The following PPP1R14C variants were observed in gnomAD, a reference collection of about 807,000 sequenced individuals.
PPP1R14C encodes protein phosphatase 1 regulatory subunit 14C.
Under a neutral mutation model 20.4 loss-of-function variants are expected in PPP1R14C, and 16 were observed. The ratio of observed to expected loss-of-function variants is 0.78; its 90% CI spans 0.53 to 1.19. PPP1R14C has a LOEUF of 1.19. Ranked by LOEUF, PPP1R14C falls within the 50% of genes most tolerant of loss-of-function variation. PPP1R14C has a pLI of 0.00. For missense variants in PPP1R14C, 211 were observed against 220.1 expected (o/e 0.96, Z 0.26); for synonymous variants, 91 against 91.0 (o/e 1.00, Z 0.00).
At chr6:150,176,069 C>A (rs1411948020) in intron 1 of PPP1R14C, among the ~76,000 whole-genome samples, 1 of 152,188 alleles carries the variant, frequency 6.6e-6, no homozygotes, top group African/African-American at 2.4e-5. Flanking sequence ...GTTATTTTCC[C>A]TTTCTTGGGG....
At chr6:150,163,206 A>G (rs530176083) in intron 1 of PPP1R14C, among the ~76,000 whole-genome samples, 15 of 152,330 alleles carry the variant, frequency 9.8e-5, no homozygotes, top group Non-Finnish European at 2.1e-4. Context: ...CCTGGCTAAC[A>G]TGGTGAAACC....
rs1356722915 is a variant in PPP1R14C at position 150,210,252 on chromosome 6, G to C, written c.307-4492G>C. 2.6e-5 allele frequency among the ~76,000 whole-genome samples: 4 copies of C among 152,162 alleles called. No individual in the cohort carries two copies. In the East Asian group the frequency reaches 7.7e-4, roughly 29 times the overall value. ...TACACTGTGTGTTGGTTTGTGAGGT[G>C]TCTTCAGAGCCCCGGTGTGCTCCCG... On this transcript the variant is annotated intron_variant, in intron 1 of 3. Transcript: ENST00000361131.
chr6:150,245,508 T>A (rs1778480867), intron 3 of PPP1R14C, among the ~76,000 whole-genome samples: 1 of 152,204 alleles, frequency 6.6e-6, no homozygotes, highest in African/African-American at 2.4e-5. Context: ...CTTCCTTGCT[T>A]ATTTATCTTC....
intron 1 of PPP1R14C, among the ~76,000 whole-genome samples, chr6:150,184,637 C>T (rs1179362185): frequency 6.6e-6 from 1 of 151,878 alleles, no homozygotes; most frequent in Non-Finnish European, 1.5e-5. Flanking sequence ...GGACTTCTCT[C>T]TGCCAAAAAT....
intron 3 of PPP1R14C, among the ~76,000 whole-genome samples, chr6:150,225,242 C>G (rs936374507): frequency 1.3e-4 from 20 of 152,138 alleles, no homozygotes; most frequent in African/African-American, 4.6e-4. Context: ...GCTGGAAGTT[C>G]AGGGGAATTT....
chr6:150,221,617 G>A (rs1778168106), intron 3 of PPP1R14C, among the ~76,000 whole-genome samples: 2 of 152,180 alleles, frequency 1.3e-5, no homozygotes, highest in South Asian at 2.1e-4. Flanking sequence ...GGTGAGTGGT[G>A]GAAAGAATAC....
At chr6:150,150,680 C>T (rs1457271377) in intron 1 of PPP1R14C, among the ~76,000 whole-genome samples, 2 of 152,168 alleles carry the variant, frequency 1.3e-5, no homozygotes, top group African/African-American at 4.8e-5. Flanking sequence ...TTCAAGCCTT[C>T]ACCTGTCTTT....
chr6:150,234,829 A>T (rs2114926921), intron 3 of PPP1R14C, among the ~76,000 whole-genome samples: 1 of 141,748 alleles, frequency 7.1e-6, no homozygotes, highest in African/African-American at 2.7e-5. Context: ...AACCTGGGCG[A>T]CAAAGTGAGA....
intron 1 of PPP1R14C, among the ~76,000 whole-genome samples, chr6:150,187,247 C>CTCTGTGTG (rs1394033275): frequency 1.4e-5 from 2 of 141,496 alleles, no homozygotes; most frequent in African/African-American, 2.7e-5. Context: ...TTCTCTTTCT[C>CTCTGTGTG]TGTGTGTGTG....
chr6:150,177,887 G>A (rs56180656), intron 1 of PPP1R14C, among the ~76,000 whole-genome samples: 1,691 of 152,282 alleles, frequency 0.011, 39 homozygotes, highest in African/African-American at 0.039. Context: ...CCGTCGTCAG[G>A]CAAGAAAGAT....
chr6:150,222,115 G>A (rs1466479750), intron 3 of PPP1R14C, among the ~76,000 whole-genome samples: 1 of 129,550 alleles, frequency 7.7e-6, no homozygotes, highest in African/African-American at 3.7e-5. Context: ...GATAATTTTA[G>A]TGGTGGTAAC....
intron 1 of PPP1R14C, among the ~76,000 whole-genome samples, chr6:150,178,983 C>G (rs902572523): frequency 7.2e-5 from 11 of 152,300 alleles, no homozygotes; most frequent in Admixed American, 1.3e-4. Context: ...CTCTCCCTGT[C>G]ACTACGAATA....
intron 3 of PPP1R14C, among the ~76,000 whole-genome samples, chr6:150,219,636 GC>G (rs1778142908): frequency 6.6e-6 from 1 of 152,018 alleles, no homozygotes. Context: ...CCATCCCTCT[GC>G]CCCCAGACTT....
intron 1 of PPP1R14C, among the ~76,000 whole-genome samples, chr6:150,156,024 C>CAAAAAAAAAAAAAAAAA (rs67908012): frequency 5.2e-5 from 2 of 38,420 alleles, no homozygotes; most frequent in African/African-American, 9.8e-5. Context: ...GACTCTGTCT[C>CAAAAAAAAAAAAAAAAA]AAAAAAAAAA....
intron 1 of PPP1R14C, among the ~76,000 whole-genome samples, chr6:150,151,925 C>G (rs1286332307): frequency 6.6e-6 from 1 of 151,852 alleles, no homozygotes; most frequent in African/African-American, 2.4e-5. Context: ...TCGAGACCAT[C>G]CCGGCTAAAA....
intron 1 of PPP1R14C, among the ~76,000 whole-genome samples, chr6:150,187,415 A>G (rs1326076933): frequency 6.6e-6 from 1 of 151,732 alleles, no homozygotes. Context: ...TAAGATGAGC[A>G]CCCATTAGTT....
At chr6:150,234,372 C>A (rs759466436) in intron 3 of PPP1R14C, among the ~76,000 whole-genome samples, 4 of 151,986 alleles carry the variant, frequency 2.6e-5, no homozygotes, top group Non-Finnish European at 5.9e-5. Context: ...CACAACTCAG[C>A]CATTGCATTA....
intron 1 of PPP1R14C, among the ~76,000 whole-genome samples, chr6:150,202,279 C>T (rs1777887901): frequency 6.6e-6 from 1 of 152,218 alleles, no homozygotes; most frequent in South Asian, 2.1e-4. Flanking sequence ...TGTCCCTCCC[C>T]TGTACCCCCA....
chr6:150,158,964 T>C (rs74603312), intron 1 of PPP1R14C, among the ~76,000 whole-genome samples: 1 of 152,332 alleles, frequency 6.6e-6, no homozygotes, highest in East Asian at 1.9e-4. Flanking sequence ...ACATGGCACT[T>C]TGGATAGAAC....
Sources: gnomAD v4.1 joint callset for allele counts (sites outside exome capture counted in the v4.1 genomes callset) on GRCh38, gnomAD v4.1.1 for gene constraint, MANE v1.5 for transcripts, NCBI Gene and HGNC (gene_info 2026-07-23, HGNC 2026-07-21) for gene names.